CYP3A5: variants seen among roughly 807,000 people sequenced by gnomAD.
The protein encoded by CYP3A5 is cytochrome P450 3A5.
CYP3A5 carries 51 observed loss-of-function variants against 55.9 expected under a neutral mutation model. The ratio of observed to expected loss-of-function variants is 0.91; its 90% CI spans 0.73 to 1.15. The LOEUF is 1.15. CYP3A5 is among the 50% of genes most tolerant of loss of function. CYP3A5 has a pLI of 0.00. For missense variants in CYP3A5, 533 were observed against 596.6 expected (o/e 0.89, Z 1.11); for synonymous variants, 196 against 213.9 (o/e 0.92, Z 0.73).
intron 4 of CYP3A5, chr7:99,671,749 A>T: frequency 1.5e-6 from 1 of 687,142 alleles, no homozygotes; most frequent in Admixed American, 2.2e-5. Flanking sequence ...CAAATAAATA[A>T]AAGTTTGCTC....
intron 1 of CYP3A5, among the ~76,000 whole-genome samples, chr7:99,679,233 TCA>T (rs1812590107): frequency 6.6e-6 from 1 of 151,894 alleles, no homozygotes; most frequent in East Asian, 1.9e-4. Context: ...GAGGGGATTT[TCA>T]GGGGCATGGC....
chr7:99,660,214 CTTTTTTTTTT>C lies in CYP3A5; in HGVS notation c.1026+275_1026+284del, dbSNP rs34318418. The stretch of plus-strand genomic sequence containing the variant: ...GTTTGGCCATCTTCTCGCCACACTC[CTTTTTTTTTT>C]TTTTTTTTTTTTTTTTTTTTTACTT... On this transcript the variant is annotated intron_variant, in intron 10 of 12. Coordinates refer to ENST00000222982, the MANE Select transcript of CYP3A5 (RefSeq NM_000777.5). 4.2e-4 allele frequency: 182 copies of C among 429,914 alleles called. 2 individuals are homozygous for C. Among genetic ancestry groups the C allele is most frequent in the East Asian group, 2.6e-3 (10 of 3,784 alleles). 26.6% of individuals were successfully genotyped at this position (429,914 alleles called of 1,614,324 possible). A position where few individuals can be genotyped will look rare whatever the true frequency, so the allele number is the denominator to read the frequency against.
intron 10 of CYP3A5, among the ~76,000 whole-genome samples, chr7:99,658,649 T>C (rs1190703418): frequency 6.6e-6 from 1 of 152,238 alleles, no homozygotes; most frequent in African/African-American, 2.4e-5. Flanking sequence ...ATTGGGGAAG[T>C]TCTCCTGGAT....
chr7:99,656,254 C>T (rs1474014529), intron 10 of CYP3A5, among the ~76,000 whole-genome samples: 1 of 152,126 alleles, frequency 6.6e-6, no homozygotes, highest in South Asian at 2.1e-4. Context: ...AGATAGGTTC[C>T]ATCAATACCT....
At chr7:99,677,623 C>T (rs1360796683) in intron 1 of CYP3A5, among the ~76,000 whole-genome samples, 1 of 152,182 alleles carries the variant, frequency 6.6e-6, no homozygotes, top group African/African-American at 2.4e-5. Context: ...TGAGAAATTA[C>T]ATGAAGGGCA....
In CYP3A5 at chr7:99,648,661, C is replaced by T. The variant is rs376634142; in HGVS notation, c.1414-261G>A. 6.1e-5 allele frequency among the ~76,000 whole-genome samples: 9 copies of T among 147,696 alleles called. 1 individual carries two copies. In the East Asian group the frequency reaches 1.8e-3, roughly 29 times the overall value. ...GGCCTGAGACAAATTCTTGTGGACT[C>T]GTGTTTTTTTTTTTTTATTTAAATC... On this transcript the variant is annotated intron_variant, in intron 12 of 12. Coordinates refer to ENST00000222982, the MANE Select transcript of CYP3A5 (RefSeq NM_000777.5).
At chr7:99,676,919 C>G (rs1446612136) in intron 1 of CYP3A5, among the ~76,000 whole-genome samples, 2 of 152,066 alleles carry the variant, frequency 1.3e-5, no homozygotes, top group African/African-American at 4.8e-5. Flanking sequence ...TTGATTTGAG[C>G]TGTTGAGGAG....
At chr7:99,674,305 G>T (rs41301655) in intron 3 of CYP3A5, 3 of 406,034 alleles carry the variant, frequency 7.4e-6, no homozygotes, top group Non-Finnish European at 1.3e-5. Context: ...GAGCATCTTT[G>T]TCTTGTTTAC....
intron 8 of CYP3A5, chr7:99,663,346 C>A: frequency 1.0e-6 from 1 of 993,666 alleles, no homozygotes; most frequent in Non-Finnish European, 1.2e-6. Context: ...TTCTCAAACT[C>A]TATATAATCT....
chr7:99,676,071 G>A (rs775054258), intron 2 of CYP3A5, 44 bp downstream of exon 2: 2 of 1,549,320 alleles, frequency 1.3e-6, no homozygotes. Context: ...CTAAGCTGAT[G>A]TTTGCAACCA....
In CYP3A5 at chr7:99,662,745, G is replaced by A; in HGVS notation, c.865+71C>T. 1 of 1,402,862 alleles carries A rather than the reference G, an allele frequency of 7.1e-7. No homozygotes were observed. 86.9% of individuals were successfully genotyped at this position (1,402,862 alleles called of 1,614,324 possible). A position where few individuals can be genotyped will look rare whatever the true frequency, so the allele number is the denominator to read the frequency against. On this transcript the variant is annotated intron_variant, in intron 9 of 12. Coordinates refer to ENST00000222982, the MANE Select transcript of CYP3A5 (RefSeq NM_000777.5). This position sits in a 1 kb window ranked among gnomAD's most constrained non-coding sequence, Gnocchi z 4.3. ...TTCTCATCTTCCTGGAATACTTCCT[G>A]CACATTTTCAGAACAAGGCCCTCCC...
intron 12 of CYP3A5, among the ~76,000 whole-genome samples, chr7:99,649,614 G>A (rs1360932885): frequency 6.6e-6 from 1 of 152,146 alleles, no homozygotes; most frequent in African/African-American, 2.4e-5. Context: ...GGGTTAATTA[G>A]TTTAGAATTT....
At chr7:99,673,829 T>C (rs1414204597) in intron 3 of CYP3A5, among the ~76,000 whole-genome samples, 3 of 152,192 alleles carry the variant, frequency 2.0e-5, no homozygotes, top group Non-Finnish European at 2.9e-5. Flanking sequence ...AGGCAGACAC[T>C]GGACAGAAGG....
In CYP3A5 at chr7:99,649,740, A is replaced by T. The variant is rs949356282; in HGVS notation, c.1413+333T>A. On this transcript the variant is annotated intron_variant, in intron 12 of 12. Coordinates refer to ENST00000222982, the MANE Select transcript of CYP3A5 (RefSeq NM_000777.5). ...TCTGCAGGTTCTGGTGATGGAGAAC[A>T]CCATTTAAGTCACAGCCAGGTAATC... Among the ~76,000 whole-genome samples, 4 of 152,344 alleles carry T rather than the reference A, an allele frequency of 2.6e-5. No individual in the cohort carries two copies. In the South Asian group the frequency reaches 8.3e-4, roughly 32 times the overall value.
chr7:99,668,677 C>T (rs955452650), intron 4 of CYP3A5, among the ~76,000 whole-genome samples: 2 of 152,118 alleles, frequency 1.3e-5, no homozygotes, highest in Non-Finnish European at 2.9e-5. Flanking sequence ...TAACAAAGAG[C>T]GAGAGGACGC....
In CYP3A5 at chr7:99,662,789, T is replaced by TCAG; in HGVS notation, c.865+26_865+27insCTG. 6.2e-7 allele frequency: 1 copy of TCAG among 1,601,442 alleles called. No homozygotes were observed. The highest frequency in any genetic ancestry group is 8.6e-7 in the Non-Finnish European group (1 of 1,168,724). ...CCCTCCCTCTTAGTGTCCCCGCCAG[T>TCAG]AGCCCTCAGAAGCACTCCTTGGTTA... is the stretch of plus-strand genomic sequence containing the variant. On this transcript the variant is annotated intron_variant, in intron 9 of 12. Transcript: ENST00000222982. This position sits in a 1 kb window ranked among gnomAD's most constrained non-coding sequence, Gnocchi z 4.3.
In CYP3A5 at chr7:99,666,704, G is replaced by T. The variant is rs1584451120; in HGVS notation, c.433-15C>A. On this transcript the variant is annotated splice_polypyrimidine_tract_variant and intron_variant, in intron 5 of 12. Coordinates refer to ENST00000222982, the MANE Select transcript of CYP3A5 (RefSeq NM_000777.5). The stretch of plus-strand genomic sequence containing the variant: ...ATGGGGAACATCTAAGCACAAAACA[G>T]ATCAGTACCTGTAGTTAAATGTGCA... The T allele has an allele frequency of 5.0e-6, 8 of 1,614,004 alleles. No individual in the cohort carries two copies. Among genetic ancestry groups the T allele is most frequent in the Non-Finnish European group, 6.8e-6 (8 of 1,179,928 alleles).
At chr7:99,677,418 C>A (rs1584479848) in intron 1 of CYP3A5, among the ~76,000 whole-genome samples, 1 of 152,204 alleles carries the variant, frequency 6.6e-6, no homozygotes, top group African/African-American at 2.4e-5. Context: ...CACAGAGGGA[C>A]CTTCCAAAGT....
intron 10 of CYP3A5, chr7:99,659,866 C>A (rs1810225222): frequency 6.6e-6 from 1 of 152,602 alleles, no homozygotes; most frequent in African/African-American, 2.4e-5. Context: ...GCGTAGGACC[C>A]TCCGAGCCAT....
Sources: allele counts gnomAD v4.1 joint callset (sites outside exome capture counted in the v4.1 genomes callset), GRCh38; gene constraint gnomAD v4.1.1; non-coding constraint Gnocchi (gnomAD v3.1); transcripts MANE v1.5; gene names NCBI Gene and HGNC (gene_info 2026-07-23, HGNC 2026-07-21).